Variants in BMF observed in about 807,000 individuals in gnomAD.
BMF encodes Bcl2 modifying factor, also known as bcl-2-modifying factor.
Under a neutral mutation model 22.0 loss-of-function variants are expected in BMF, and 10 were observed. The ratio of observed to expected loss-of-function variants is 0.45; its 90% CI spans 0.28 to 0.77. The LOEUF is 0.77. Among genes scored for constraint, BMF ranks in the 30% least tolerant of loss-of-function variants. The pLI is 0.13. For missense variants in BMF, 206 were observed against 226.8 expected (o/e 0.91, Z 0.59); for synonymous variants, 87 against 88.1 (o/e 0.99, Z 0.07).
chr15:40,100,847 C>A (rs1021734243), intron 4 of BMF, among the ~76,000 whole-genome samples: 1 of 152,126 alleles, frequency 6.6e-6, no homozygotes, highest in Non-Finnish European at 1.5e-5. Flanking sequence ...GGGAGAAGGT[C>A]GTTCTGGTGC....
Position 40,106,017 on chromosome 15 carries a change from T to A in BMF, c.70A>T (p.Thr24Ser). 1 of 1,613,778 alleles carries A rather than the reference T, an allele frequency of 6.2e-7. No individual in the cohort carries two copies. Among genetic ancestry groups the A allele is most frequent in the Non-Finnish European group, 8.5e-7 (1 of 1,179,982 alleles). ...GCAGAGAGCAAGCTCCCGGGTTGGGTCACCGGCTCCCCATCCTCTGGTTGG... is the reference window on the plus strand; with the variant it reads ...GCAGAGAGCAAGCTCCCGGGTTGGGACACCGGCTCCCCATCCTCTGGTTGG... ...VFQPEDGEPV[T>S]QPGSLLSADL... The change falls in exon 3 of 5, where the codon ACC becomes TCC. Residue 24 changes from threonine (T) to serine (S), a missense_variant. Transcript: ENST00000354670. The surrounding 1 kb of genome is among the most constrained non-coding windows in gnomAD (Gnocchi z 4.1).
intron 4 of BMF, among the ~76,000 whole-genome samples, chr15:40,103,937 C>T (rs886512651): frequency 7.2e-5 from 11 of 152,176 alleles, no homozygotes; most frequent in Non-Finnish European, 1.2e-4. Context: ...TAGCCTCTCC[C>T]GAGAGGGCTC....
rs1427121842 is a variant in BMF, at chr15:40,088,674, A to T, written c.*3113T>A. The T allele has an allele frequency of 6.6e-5, 10 of 152,432 alleles. No homozygotes were observed. Among genetic ancestry groups the T allele is most frequent in the Admixed American group, 6.5e-4 (10 of 15,290 alleles). 9.4% of individuals were successfully genotyped at this position (152,432 alleles called of 1,614,324 possible). On this transcript the variant is annotated 3_prime_UTR_variant, in exon 5 of 5. Transcript: ENST00000354670. Reference sequence around the variant, plus strand: ...CCGATGGGGCTGGGCTGCCAGGAGCAGTGAGACAGGTCAGCTGGGCCCCTC... The same window carrying T: ...CCGATGGGGCTGGGCTGCCAGGAGCTGTGAGACAGGTCAGCTGGGCCCCTC...
At chr15:40,107,540 G>A (rs2036613417) in intron 2 of BMF, among the ~76,000 whole-genome samples, 1 of 126,524 alleles carries the variant, frequency 7.9e-6, no homozygotes, top group East Asian at 2.1e-4. Flanking sequence ...CCAAGTGTGT[G>A]TGTGTGTGTG....
chr15:40,100,711 G>A (rs2036458177), intron 4 of BMF, among the ~76,000 whole-genome samples: 1 of 152,216 alleles, frequency 6.6e-6, no homozygotes, highest in African/African-American at 2.4e-5. Flanking sequence ...CGCTGAAAGT[G>A]CAGATGGCCC....
At position 40,105,850 on chromosome 15, in the gene BMF, G is replaced by T; in HGVS notation, c.237C>A (p.Ser79Arg). The change falls in exon 3 of 5, where the codon AGC (serine) becomes AGA (arginine). Residue 79 changes from serine to arginine, a missense_variant. Physicochemically the swap from Ser to Arg is moderately radical, Grantham distance 110. Transcript: ENST00000354670. ...CCCCACAAGGCAGCATGACACCTTG[G>T]CTGGGGGAGGCTGGGCTGAGAGTCT... Reference protein sequence around the residue: ...ATQTLSPASPSQGVMLPCGVT... With the variant: ...ATQTLSPASPRQGVMLPCGVT... 1 of 1,614,040 alleles carries T rather than the reference G, an allele frequency of 6.2e-7. No homozygotes were observed. The highest frequency in any genetic ancestry group is 1.3e-5 in the African/African-American group (1 of 75,046).
chr15:40,093,556 A>G (rs1198794233), intron 4 of BMF, among the ~76,000 whole-genome samples: 3 of 152,214 alleles, frequency 2.0e-5, no homozygotes, highest in Non-Finnish European at 4.4e-5. Context: ...TCCGGCCTGC[A>G]GCAGCTGGGC....
intron 4 of BMF, among the ~76,000 whole-genome samples, chr15:40,103,202 G>A (rs672873): frequency 0.87 from 131,846 of 152,220 alleles, 58,886 homozygotes; most frequent in Non-Finnish European, 0.99. Flanking sequence ...TGATTTCCTC[G>A]CAGTCAGACA....
rs201075379 is a variant in BMF, at chr15:40,091,919, T to A, written c.454-31A>T. 1.1e-5 allele frequency: 16 copies of A among 1,487,306 alleles called. No homozygotes were observed. In the East Asian group the frequency reaches 3.8e-4, roughly 36 times the overall value. The allele number at this position is 1,487,306 out of a possible 1,614,324, so 92.1% of individuals were successfully genotyped here. A position where few individuals can be genotyped will look rare whatever the true frequency, so the allele number is the denominator to read the frequency against. ...GGGAGAAAAAAAAAAAAGACCAACA[T>A]AACTCCCAAACGCAATCTTAGACGA... On this transcript the variant is annotated intron_variant, in intron 4 of 4. Transcript: ENST00000354670.
At chr15:40,091,930 C>A in intron 4 of BMF, 42 bp from the exon 5 acceptor site, 1 of 1,443,114 alleles carries the variant, frequency 6.9e-7, no homozygotes, top group Non-Finnish European at 9.5e-7. Context: ...AACTCCCAAA[C>A]GCAATCTTAG....
At chr15:40,097,487 G>C (rs781161468) in intron 4 of BMF, among the ~76,000 whole-genome samples, 5 of 152,214 alleles carry the variant, frequency 3.3e-5, no homozygotes, top group Non-Finnish European at 5.9e-5. Flanking sequence ...GTGCTTCCTT[G>C]TACCCTTGTT....
intron 4 of BMF, among the ~76,000 whole-genome samples, chr15:40,095,591 G>C (rs1160194517): frequency 6.6e-6 from 1 of 152,126 alleles, no homozygotes; most frequent in Non-Finnish European, 1.5e-5. Context: ...GACTCAGCTA[G>C]GGAACCCCTC....
chr15:40,106,517 A>AACACACACACACACACAC lies in BMF; in HGVS notation c.-5-444_-5-427dup, dbSNP rs71658279. On this transcript the variant is annotated intron_variant, in intron 2 of 4. Coordinates refer to ENST00000354670, the MANE Select transcript of BMF (RefSeq NM_001003940.2). The surrounding 1 kb of genome is among the most constrained non-coding windows in gnomAD (Gnocchi z 4.1). Reference sequence around the variant, plus strand: ...GACTGGCTATACATACAGTGCTCACAACACACACACACACACACACACACA... The same window carrying AACACACACACACACACAC: ...GACTGGCTATACATACAGTGCTCACAACACACACACACACACACACACACACACACACACACACACACA... 0.058 allele frequency: 7,939 copies of AACACACACACACACACAC among 135,844 alleles called. 397 individuals are homozygous for AACACACACACACACACAC. The highest frequency in any genetic ancestry group is 0.17 in the East Asian group (662 of 3,818). The allele number at this position is 135,844 out of a possible 1,614,324, so 8.4% of individuals were successfully genotyped here.
In BMF at chr15:40,090,911, G is replaced by A. The variant is rs1363468958; in HGVS notation, c.*876C>T. On this transcript the variant is annotated 3_prime_UTR_variant, in exon 5 of 5. Coordinates refer to ENST00000354670, the MANE Select transcript of BMF (RefSeq NM_001003940.2). ...GTTGGGGGTGGAATGCGGTCTGTCG[G>A]TGGGGTCTTTTGAAAGAAGAGCTGA... 3 of 152,264 alleles carry A rather than the reference G, an allele frequency of 2.0e-5. No homozygotes were observed. The highest frequency in any genetic ancestry group is 6.5e-5 in the Admixed American group (1 of 15,286). 9.4% of individuals were successfully genotyped at this position (152,264 alleles called of 1,614,324 possible). A position where few individuals can be genotyped will look rare whatever the true frequency, so the allele number is the denominator to read the frequency against.
At position 40,106,372 on chromosome 15, in the gene BMF, A is replaced by T. The variant is rs1442883194; in HGVS notation, c.-5-281T>A. 1 of 336,830 alleles carries T rather than the reference A, an allele frequency of 3.0e-6. No homozygotes were observed. Among genetic ancestry groups the T allele is most frequent in the South Asian group, 7.0e-5 (1 of 14,230 alleles). The allele number at this position is 336,830 out of a possible 1,614,324, so 20.9% of individuals were successfully genotyped here. On this transcript the variant is annotated intron_variant, in intron 2 of 4. Coordinates refer to ENST00000354670, the MANE Select transcript of BMF (RefSeq NM_001003940.2). This position sits in a 1 kb window ranked among gnomAD's most constrained non-coding sequence, Gnocchi z 4.1. ...CGTTTTCTGACCTAGGCCGGTCACA[A>T]AGTTTGACTCTGAGGGTTGTGAGCA...
intron 4 of BMF, among the ~76,000 whole-genome samples, chr15:40,102,416 CAAA>C (rs71132141): frequency 2.3e-4 from 22 of 95,802 alleles, no homozygotes; most frequent in Non-Finnish European, 3.5e-4. Flanking sequence ...GCGAAAGAGC[CAAA>C]AAAAAAAAAA....
chr15:40,092,862 C>A (rs917479686), intron 4 of BMF, among the ~76,000 whole-genome samples: 1 of 151,642 alleles, frequency 6.6e-6, no homozygotes, highest in Non-Finnish European at 1.5e-5. Context: ...GAGGACTGGG[C>A]GGGGGCCTCT....
Position 40,088,525 on chromosome 15 carries a change from AAAG to A in BMF, c.*3259_*3261del, listed in dbSNP as rs1389159735. On this transcript the variant is annotated 3_prime_UTR_variant, in exon 5 of 5. Transcript: ENST00000354670. ...CCCACCTCCCCATCAAGTCCCTCAA[AAAG>A]AAGTGCTCACTGGGGTAGCATGCTC... 6.6e-6 allele frequency: 1 copy of A among 152,308 alleles called. No homozygotes were observed. Among genetic ancestry groups the A allele is most frequent in the Non-Finnish European group, 1.5e-5 (1 of 68,136 alleles). The allele number at this position is 152,308 out of a possible 1,614,324, so 9.4% of individuals were successfully genotyped here.
At chr15:40,108,739 C>T (rs1165739841) in intron 1 of BMF, 34 bp downstream of exon 1, 2 of 153,350 alleles carry the variant, frequency 1.3e-5, no homozygotes, top group South Asian at 1.8e-4. Context: ...CGATCCAACT[C>T]CGCCCGGCCC....
Sources: allele counts gnomAD v4.1 joint callset (sites outside exome capture counted in the v4.1 genomes callset), GRCh38; gene constraint gnomAD v4.1.1; non-coding constraint Gnocchi (gnomAD v3.1); transcripts MANE v1.5; gene names NCBI Gene and HGNC (gene_info 2026-07-23, HGNC 2026-07-21).